The following PLD5 variants were observed in gnomAD, a reference collection of about 807,000 sequenced individuals.
The protein encoded by PLD5 is phospholipase D family member 5.
PLD5 carries 36 observed loss-of-function variants against 61.1 expected under a neutral mutation model. That is an observed-to-expected ratio of 0.59 (90% CI 0.45 to 0.78). PLD5 has a LOEUF of 0.78. Among genes scored for constraint, PLD5 ranks in the 30% least tolerant of loss-of-function variants. PLD5 has a pLI of 0.00. For missense variants in PLD5, 515 were observed against 644.4 expected, an observed-to-expected ratio of 0.80 and a Z score of 2.17; for synonymous variants, 243 against 242.8, an observed-to-expected ratio of 1.00 and a Z score of -0.01.
intron 1 of PLD5, among the ~76,000 whole-genome samples, chr1:242,513,108 A>G (rs1175193686): frequency 2.0e-5 from 3 of 151,966 alleles, no homozygotes; most frequent in African/African-American, 7.3e-5. Context: ...TCAAACTCCT[A>G]ATCTCAAGCG....
chr1:242,291,820 C>A (rs1267202942), intron 2 of PLD5, among the ~76,000 whole-genome samples: 1 of 151,896 alleles, frequency 6.6e-6, no homozygotes, highest in Non-Finnish European at 1.5e-5. Flanking sequence ...AACAAACAAA[C>A]AAACAAAACA....
chr1:242,331,585 T>A (rs372964435), intron 2 of PLD5, among the ~76,000 whole-genome samples: 2 of 152,126 alleles, frequency 1.3e-5, no homozygotes, highest in African/African-American at 2.4e-5. Context: ...GAAAACATAA[T>A]TGCTAATGCC....
In PLD5 at chr1:242,396,669, T is replaced by TTTC. The variant is rs769284107; in HGVS notation, c.190-48428_190-48427insGAA. 1.3e-3 allele frequency among the ~76,000 whole-genome samples: 66 copies of TTTC among 50,362 alleles called. 4 individuals are homozygous for TTTC. The highest frequency in any genetic ancestry group is 3.5e-3 in the African/African-American group (31 of 8,940). 33.0% of individuals were successfully genotyped at this position (50,362 alleles called of 152,430 possible). A position where few individuals can be genotyped will look rare whatever the true frequency, so the allele number is the denominator to read the frequency against. On this transcript the variant is annotated intron_variant, in intron 1 of 9. Coordinates refer to ENST00000536534, the MANE Select transcript of PLD5 (RefSeq NM_001372062.1). ...CATGCTATTTTCTTTCTTTCTTTTC[T>TTTC]TTTCTTTTTTTTTTTTTTTTTTGAG...
intron 1 of PLD5, among the ~76,000 whole-genome samples, chr1:242,469,918 A>G (rs775244896): frequency 6.6e-6 from 1 of 152,196 alleles, no homozygotes; most frequent in Non-Finnish European, 1.5e-5. Context: ...AGCATAGTAT[A>G]CAGATAACAA....
rs921686393 is a variant in PLD5 at position 242,504,498 on chromosome 1, C to T, written c.189+19590G>A. ...GAAGGTTACTCAATTCATTTTCATA[C>T]TAAACAAATTGAATCTTTAATCACA... On this transcript the variant is annotated intron_variant, in intron 1 of 9. Transcript: ENST00000536534. Among the ~76,000 whole-genome samples the T allele has an allele frequency of 2.0e-5, 3 of 152,206 alleles. No homozygotes were observed. In the East Asian group the frequency reaches 5.8e-4, roughly 29 times the overall value.
At chr1:242,373,402 A>G (rs1314347413) in intron 1 of PLD5, among the ~76,000 whole-genome samples, 1 of 152,196 alleles carries the variant, frequency 6.6e-6, no homozygotes, top group East Asian at 1.9e-4. Flanking sequence ...CGATTCCTCA[A>G]GGATCTAGAA....
At chr1:242,273,767 G>T (rs1405622963) in intron 3 of PLD5, among the ~76,000 whole-genome samples, 1 of 152,198 alleles carries the variant, frequency 6.6e-6, no homozygotes, top group Non-Finnish European at 1.5e-5. Context: ...TAAGAGATGG[G>T]CAAAAGGGGA....
intron 2 of PLD5, among the ~76,000 whole-genome samples, chr1:242,315,378 G>A (rs953786588): frequency 1.3e-5 from 2 of 152,070 alleles, no homozygotes; most frequent in African/African-American, 2.4e-5. Context: ...AAATTTCTTG[G>A]TAGATATATT....
At chr1:242,233,798 T>C (rs1671465023) in intron 4 of PLD5, among the ~76,000 whole-genome samples, 1 of 152,134 alleles carries the variant, frequency 6.6e-6, no homozygotes, top group African/African-American at 2.4e-5. Context: ...TCTAGCTGTG[T>C]GTGTCCCTCT....
intron 1 of PLD5, among the ~76,000 whole-genome samples, chr1:242,488,847 T>G (rs1668049082): frequency 2.0e-5 from 3 of 152,174 alleles, no homozygotes; most frequent in Admixed American, 6.5e-5. Context: ...AGGGAGTATT[T>G]GGGAACTTTC....
intron 2 of PLD5, among the ~76,000 whole-genome samples, chr1:242,329,704 A>C (rs1481101141): frequency 6.6e-6 from 1 of 152,032 alleles, no homozygotes; most frequent in Non-Finnish European, 1.5e-5. Context: ...TCATCGGGGG[A>C]GTTTCTTGAG....
chr1:242,334,365 C>T (rs1022658362), intron 2 of PLD5, among the ~76,000 whole-genome samples: 2 of 152,144 alleles, frequency 1.3e-5, no homozygotes, highest in Non-Finnish European at 2.9e-5. Context: ...GGTGGGTATG[C>T]ATCAACAACT....
In PLD5 at chr1:242,084,901, G is replaced by A. The variant is rs1659384603; in HGVS notation, c.*4953C>T. 1 of 151,782 alleles carries A rather than the reference G, an allele frequency of 6.6e-6. No individual in the cohort carries two copies. The highest frequency in any genetic ancestry group is 6.6e-5 in the Admixed American group (1 of 15,220). The allele number at this position is 151,782 out of a possible 1,614,324, so 9.4% of individuals were successfully genotyped here. A position where few individuals can be genotyped will look rare whatever the true frequency, so the allele number is the denominator to read the frequency against. On this transcript the variant is annotated 3_prime_UTR_variant, in exon 10 of 10. Coordinates refer to ENST00000536534, the MANE Select transcript of PLD5 (RefSeq NM_001372062.1). ...TTTACCACAGTACAGCTTGGTTACT[G>A]ATGAGAGACTGATTTGTTTCTGAGA...
chr1:242,495,545 T>A (rs1213449354), intron 1 of PLD5, among the ~76,000 whole-genome samples: 2 of 152,162 alleles, frequency 1.3e-5, no homozygotes, highest in Non-Finnish European at 2.9e-5. Flanking sequence ...ACTGAGATGT[T>A]ATTTCTATTT....
intron 3 of PLD5, among the ~76,000 whole-genome samples, chr1:242,267,146 AAGAG>A (rs1276916288): frequency 6.6e-6 from 1 of 151,524 alleles, no homozygotes; most frequent in African/African-American, 2.4e-5. Context: ...ACAAAAAAAA[AAGAG>A]AGAGAAAAGA....
chr1:242,512,389 C>T (rs1668952650), intron 1 of PLD5, among the ~76,000 whole-genome samples: 1 of 145,798 alleles, frequency 6.9e-6, no homozygotes, highest in South Asian at 2.2e-4. Flanking sequence ...CACTGCACTC[C>T]AGCCCGGGTG....
At chr1:242,343,972 T>C (rs1244491673) in intron 2 of PLD5, among the ~76,000 whole-genome samples, 4 of 152,046 alleles carry the variant, frequency 2.6e-5, no homozygotes, top group Admixed American at 6.6e-5. Context: ...GTACAATCTG[T>C]AGCCTCCTGC....
chr1:242,492,227 C>T lies in PLD5; in HGVS notation c.189+31861G>A, dbSNP rs192721843. 8.4e-4 allele frequency among the ~76,000 whole-genome samples: 128 copies of T among 152,114 alleles called. 2 individuals are homozygous for T. The highest frequency in any genetic ancestry group is 4.5e-3 in the East Asian group (23 of 5,160). On this transcript the variant is annotated intron_variant, in intron 1 of 9. Transcript: ENST00000536534. The stretch of plus-strand genomic sequence containing the variant: ...AAAGAACAGATAAAAATAGTGTACA[C>T]GGTGGCCAGGCACGTGGCTCACACC...
chr1:242,323,502 G>A (rs1457296011), intron 2 of PLD5, among the ~76,000 whole-genome samples: 3 of 152,136 alleles, frequency 2.0e-5, no homozygotes, highest in African/African-American at 7.2e-5. Context: ...ATACATGCAG[G>A]TTGTTCCACT....
Sources: allele counts gnomAD v4.1 joint callset (sites outside exome capture counted in the v4.1 genomes callset), GRCh38; gene constraint gnomAD v4.1.1; transcripts MANE v1.5; gene names NCBI Gene and HGNC (gene_info 2026-07-23, HGNC 2026-07-21).